SASH1: variants seen among roughly 807,000 people sequenced by gnomAD.
SASH1 encodes the protein SAM and SH3 domain containing 1.
In SASH1, 44 loss-of-function variants were observed where a neutral mutation model predicts 125.2. The ratio of observed to expected loss-of-function variants is 0.35; its 90% confidence interval spans 0.28 to 0.45. The LOEUF (loss-of-function observed/expected upper bound fraction) is 0.45, where lower values mean the gene tolerates loss of function less well. Among genes scored for constraint, SASH1 ranks in the 20% least tolerant of loss-of-function variants. The probability of loss-of-function intolerance (pLI) is 1.00; values close to 1 mark genes in which losing one functional copy is unlikely to be tolerated. For missense variants in SASH1, 1,426 were observed against 1,614.5 expected (o/e 0.88, Z 2.00); for synonymous variants, 639 against 649.1 (o/e 0.98, Z 0.24).
chr6:148,361,287 G>A (rs6570846), intron 1 of SASH1, among the ~76,000 whole-genome samples: 37,967 of 152,124 alleles, frequency 0.25, 4,887 homozygotes, highest in African/African-American at 0.29. Context: ...TGAGCTGTTG[G>A]GAGAAAGAGG....
intron 1 of SASH1, among the ~76,000 whole-genome samples, chr6:148,327,757 A>G (rs1373906705): frequency 6.6e-6 from 1 of 150,574 alleles, no homozygotes; most frequent in East Asian, 2.0e-4. Flanking sequence ...CCTGGCCAAC[A>G]TGGCAAAACC....
At chr6:148,283,739 A>C (rs1357561504) in intron 1 of SASH1, among the ~76,000 whole-genome samples, 1 of 151,564 alleles carries the variant, frequency 6.6e-6, no homozygotes, top group Non-Finnish European at 1.5e-5. Flanking sequence ...GCACCACTAC[A>C]CCCCAGCCTG....
intron 6 of SASH1, among the ~76,000 whole-genome samples, chr6:148,472,283 G>A (rs759837237): frequency 1.7e-4 from 26 of 152,108 alleles, no homozygotes; most frequent in Non-Finnish European, 2.6e-4. Flanking sequence ...AGTACGCGTG[G>A]AAATGAGAAA....
chr6:148,525,473 G>T, intron 11 of SASH1, 108 bp downstream of exon 11: 2 of 895,420 alleles, frequency 2.2e-6, no homozygotes, highest in Non-Finnish European at 3.6e-6. Flanking sequence ...GTTTTCCTTG[G>T]TAATCCTGAG....
At chr6:148,264,765 A>C in the SASH1 span, among the ~76,000 whole-genome samples, 1 of 152,136 alleles carries the variant, frequency 6.6e-6, no homozygotes, top group Non-Finnish European at 1.5e-5. Context: ...TTGAGCTTAA[A>C]TGTCACCTCT....
intron 1 of SASH1, among the ~76,000 whole-genome samples, chr6:148,297,797 T>C (rs1158148683): frequency 6.6e-6 from 1 of 151,888 alleles, no homozygotes; most frequent in Non-Finnish European, 1.5e-5. Flanking sequence ...GCCACTGCCC[T>C]CCAGCCTGGG....
At position 148,548,448 on chromosome 6, in the gene SASH1, C is replaced by G. The variant is rs752577248; in HGVS notation, c.3634C>G (p.Leu1212Val). ...CAGCACACTGAGCCAAGTGCCTTCT[C>G]TGTCTCACACTTGCCTTCAGGAGGC... ...GFSTLSQVPS[L>V]SHTCLQEAGI... Residue 1212 changes from leucine (L) to valine (V), a missense_variant, in exon 20 of 20, where the codon CTG becomes GTG. This residue lies in a region of SASH1 where 634 missense variants were observed against 694.4 expected (regional missense o/e 0.91). Coordinates refer to ENST00000367467, the MANE Select transcript of SASH1 (RefSeq NM_015278.5). The G allele has an allele frequency of 2.5e-6, 4 of 1,614,122 alleles. No homozygotes were observed. The highest frequency in any genetic ancestry group is 3.4e-6 in the Non-Finnish European group (4 of 1,180,050).
At chr6:148,204,387 G>A in the SASH1 span, among the ~76,000 whole-genome samples, 4 of 152,158 alleles carry the variant, frequency 2.6e-5, no homozygotes, top group African/African-American at 7.2e-5. Context: ...AAAAGTTGGA[G>A]GTTTTTGAAA....
intron 1 of SASH1, among the ~76,000 whole-genome samples, chr6:148,334,388 A>G (rs941465297): frequency 3.0e-5 from 4 of 133,204 alleles, no homozygotes; most frequent in African/African-American, 8.5e-5. Flanking sequence ...AGATTGCGCC[A>G]CTGCACTCCC....
intron 1 of SASH1, among the ~76,000 whole-genome samples, chr6:148,292,414 C>A (rs1015936258): frequency 6.6e-6 from 1 of 152,140 alleles, no homozygotes; most frequent in African/African-American, 2.4e-5. Context: ...ATGGAGCCTT[C>A]CACAGAAATG....
Position 148,437,664 on chromosome 6 carries a change from C to T in SASH1, c.286-2520C>T, listed in dbSNP as rs138263125. On this transcript the variant is annotated intron_variant, in intron 2 of 19. Transcript: ENST00000367467. ...ACAAGACGGCATTGCGTGATGATCA[C>T]GCCCATGAATAGCCACTACACTCCA... Among the ~76,000 whole-genome samples, 432 of 152,254 alleles carry T rather than the reference C, an allele frequency of 2.8e-3. 3 individuals carry two copies. Among genetic ancestry groups the T allele is most frequent in the African/African-American group, 0.01 (418 of 41,532 alleles).
chr6:148,525,348 A>G lies in SASH1; in HGVS notation c.1267A>G (p.Asn423Asp). 6.2e-7 allele frequency: 1 copy of G among 1,613,902 alleles called. No individual in the cohort carries two copies. The highest frequency in any genetic ancestry group is 8.5e-7 in the Non-Finnish European group (1 of 1,179,780). ...GAATCGCTCTCTGCACGTTGGCAGT[A>G]ATAATTCTGACCCAATGGTGAGTAA... ...LTNRSLHVGSNNSDPMGKEGD... is the reference protein window; with the variant it reads ...LTNRSLHVGSDNSDPMGKEGD... The change falls in exon 11 of 20, where the codon AAT (asparagine) becomes GAT (aspartate). Residue 423 changes from asparagine (N) to aspartate (D), a missense_variant. Coordinates refer to ENST00000367467, the MANE Select transcript of SASH1 (RefSeq NM_015278.5).
intron 2 of SASH1, among the ~76,000 whole-genome samples, chr6:148,437,687 C>G (rs1029784512): frequency 2.6e-5 from 4 of 152,180 alleles, no homozygotes; most frequent in Non-Finnish European, 5.9e-5. Context: ...CCACTACACT[C>G]CAGTGTGGGT....
At chr6:148,496,048 A>T (rs981247474) in intron 8 of SASH1, among the ~76,000 whole-genome samples, 12 of 149,648 alleles carry the variant, frequency 8.0e-5, no homozygotes, top group Admixed American at 2.7e-4. Flanking sequence ...GGGTTTCACC[A>T]TGTTGGCCAG....
the SASH1 span, among the ~76,000 whole-genome samples, chr6:148,225,910 T>G: frequency 6.6e-6 from 1 of 152,228 alleles, no homozygotes; most frequent in African/African-American, 2.4e-5. Flanking sequence ...TAATTGGCAT[T>G]TCATTCTTAG....
intron 1 of SASH1, among the ~76,000 whole-genome samples, chr6:148,387,516 CTTCTTTCT>C (rs139571359): frequency 7.3e-6 from 1 of 136,084 alleles, no homozygotes; most frequent in Non-Finnish European, 1.6e-5. Flanking sequence ...TTTCTTTTTC[CTTCTTTCT>C]TTCTTTCTTC....
chr6:148,395,778 C>G (rs995660674), intron 2 of SASH1, among the ~76,000 whole-genome samples: 1 of 152,126 alleles, frequency 6.6e-6, no homozygotes, highest in Admixed American at 6.6e-5. Flanking sequence ...ATCAGAAATG[C>G]TAGTGGCTTT....
chr6:148,371,933 A>G (rs1447504951), intron 1 of SASH1, among the ~76,000 whole-genome samples: 2 of 152,198 alleles, frequency 1.3e-5, no homozygotes, highest in African/African-American at 4.8e-5. Flanking sequence ...CATTTCCCCC[A>G]GTAGTAGTTA....
At position 148,396,288 on chromosome 6, in the gene SASH1, G is replaced by T. The variant is rs533456513; in HGVS notation, c.285+6026G>T. On this transcript the variant is annotated intron_variant, in intron 2 of 19. Transcript: ENST00000367467. ...GAGGTCAGGAGTTCAAGACTAGCCT[G>T]GCTAACATGGTGAAACTCCATCTCT... 6.6e-5 allele frequency among the ~76,000 whole-genome samples: 10 copies of T among 151,982 alleles called. No individual in the cohort carries two copies. In the South Asian group the frequency reaches 2.1e-3, roughly 32 times the overall value.
Sources: gnomAD v4.1 joint callset for allele counts (sites outside exome capture counted in the v4.1 genomes callset) on GRCh38, gnomAD v4.1.1 for gene constraint, gnomAD v4.1.1 regional missense constraint, MANE v1.5 for transcripts, NCBI Gene and HGNC (gene_info 2026-07-23, HGNC 2026-07-21) for gene names.